The following CYP20A1 variants were observed in gnomAD, a reference collection of about 807,000 sequenced individuals.
CYP20A1 encodes the protein cytochrome P450 20A1.
A neutral mutation model predicts 61.4 loss-of-function variants in CYP20A1; 61 were observed. That is an observed-to-expected ratio of 0.99 (90% CI 0.81 to 1.23). CYP20A1 has a LOEUF of 1.23. Ranked by LOEUF, CYP20A1 falls within the 50% of genes most tolerant of loss-of-function variation. The pLI, the probability that CYP20A1 is intolerant of heterozygous loss-of-function variation, is 0.00. For synonymous variants in CYP20A1, 193 were observed against 188.2 expected, an observed-to-expected ratio of 1.03 and a Z score of -0.21; for missense variants, 530 against 542.4, an observed-to-expected ratio of 0.98 and a Z score of 0.23.
chr2:203,279,610 A>G (rs1348684912), intron 7 of CYP20A1, among the ~76,000 whole-genome samples: 4 of 152,138 alleles, frequency 2.6e-5, no homozygotes, highest in Non-Finnish European at 5.9e-5. Context: ...AGTTTGATAT[A>G]TGTTGGTGCA....
chr2:203,239,995 C>T (rs1281122770), intron 1 of CYP20A1, among the ~76,000 whole-genome samples: 1 of 152,154 alleles, frequency 6.6e-6, no homozygotes, highest in East Asian at 1.9e-4. Flanking sequence ...ACTCAGGAGG[C>T]TGAGGCAGGA....
rs112549205 is a variant in CYP20A1, at chr2:203,274,077, T to A, written c.679+1329T>A. ...AATTTACACAGAAAAATAGCAATTT[T>A]AATGTAATGTAGTACCCCCAAATTA... On this transcript the variant is annotated intron_variant, in intron 6 of 12. Coordinates refer to ENST00000356079, the MANE Select transcript of CYP20A1 (RefSeq NM_177538.3). 7.4e-4 allele frequency among the ~76,000 whole-genome samples: 112 copies of A among 152,346 alleles called. 2 individuals are homozygous for A. The highest frequency in any genetic ancestry group is 3.4e-3 in the Middle Eastern group (1 of 294).
chr2:203,246,350 G>A (rs1175096108), intron 2 of CYP20A1, among the ~76,000 whole-genome samples: 2 of 152,096 alleles, frequency 1.3e-5, no homozygotes, highest in African/African-American at 4.8e-5. Flanking sequence ...ACTTCCCCTT[G>A]CCAGAGAAAG....
At chr2:203,285,235 C>G (rs1158611213) in intron 8 of CYP20A1, among the ~76,000 whole-genome samples, 1 of 152,028 alleles carries the variant, frequency 6.6e-6, no homozygotes, top group Non-Finnish European at 1.5e-5. Flanking sequence ...ATAAATCGGC[C>G]TAATAAGGTT....
At chr2:203,249,109 CTT>C (rs1209285151) in intron 3 of CYP20A1, among the ~76,000 whole-genome samples, 1 of 152,134 alleles carries the variant, frequency 6.6e-6, no homozygotes, top group Non-Finnish European at 1.5e-5. Context: ...AATTTTTTCT[CTT>C]TGGTTGGAGA....
At position 203,299,569 on chromosome 2, in the gene CYP20A1, G is replaced by T. The variant is rs1488995952; in HGVS notation, c.*2661G>T. 6.6e-6 allele frequency among the ~76,000 whole-genome samples: 1 copy of T among 151,876 alleles called. No individual in the cohort carries two copies. Among genetic ancestry groups the T allele is most frequent in the Non-Finnish European group, 1.5e-5 (1 of 67,964 alleles). On this transcript the variant is annotated 3_prime_UTR_variant, in exon 13 of 13. Transcript: ENST00000356079. ...TTTTTGAAAAAAAAAATTTTTTTTG[G>T]AATAACTTAAATTCTAAAACTTTGG... is the stretch of plus-strand genomic sequence containing the variant.
chr2:203,293,249 T>C (rs1393553970), intron 11 of CYP20A1, among the ~76,000 whole-genome samples: 5 of 125,354 alleles, frequency 4.0e-5, no homozygotes, highest in Non-Finnish European at 6.4e-5. Flanking sequence ...GGAGTCTCGC[T>C]CTGTCGCCCA....
intron 11 of CYP20A1, among the ~76,000 whole-genome samples, chr2:203,293,426 A>T (rs1477280980): frequency 6.7e-6 from 1 of 150,350 alleles, no homozygotes; most frequent in African/African-American, 2.4e-5. Context: ...CATGTTAGCC[A>T]GGATGGTCTC....
rs1460474722 is a variant in CYP20A1, at chr2:203,302,187, A to G, written c.*5279A>G. Among the ~76,000 whole-genome samples, 3 of 152,076 alleles carry G rather than the reference A, an allele frequency of 2.0e-5. No individual in the cohort carries two copies. The highest frequency in any genetic ancestry group is 7.2e-5 in the African/African-American group (3 of 41,418). ...AGTAGTCTGCCCACCTTGACCTCCC[A>G]AAGTGCTGGGATTACAGGCATGGGG... On this transcript the variant is annotated 3_prime_UTR_variant, in exon 13 of 13. Coordinates refer to ENST00000356079, the MANE Select transcript of CYP20A1 (RefSeq NM_177538.3).
At position 203,300,844 on chromosome 2, in the gene CYP20A1, G is replaced by A. The variant is rs937774305; in HGVS notation, c.*3936G>A. Among the ~76,000 whole-genome samples, 7 of 145,470 alleles carry A rather than the reference G, an allele frequency of 4.8e-5. No homozygotes were observed. The highest frequency in any genetic ancestry group is 2.2e-4 in the South Asian group (1 of 4,498). On this transcript the variant is annotated 3_prime_UTR_variant, in exon 13 of 13. Coordinates refer to ENST00000356079, the MANE Select transcript of CYP20A1 (RefSeq NM_177538.3). The stretch of plus-strand genomic sequence containing the variant: ...GCAGAGGTTGCGATGAGCCGAGATC[G>A]TGCCATTGCACTCCAGCCTGGGCAA...
At chr2:203,275,716 A>G (rs1467464341) in intron 6 of CYP20A1, among the ~76,000 whole-genome samples, 2 of 152,250 alleles carry the variant, frequency 1.3e-5, no homozygotes, top group Non-Finnish European at 2.9e-5. Flanking sequence ...CTGGGATTAC[A>G]GGCGTGAGCC....
chr2:203,253,572 G>T (rs188292120), intron 4 of CYP20A1, among the ~76,000 whole-genome samples: 1 of 152,216 alleles, frequency 6.6e-6, no homozygotes, highest in Non-Finnish European at 1.5e-5. Flanking sequence ...AAGACAGAAC[G>T]TGGTTTTTAT....
chr2:203,253,663 G>A (rs1420524469), intron 4 of CYP20A1, among the ~76,000 whole-genome samples: 1 of 152,176 alleles, frequency 6.6e-6, no homozygotes, highest in African/African-American at 2.4e-5. Context: ...CATAAGTTGT[G>A]GCCTTGCATA....
intron 8 of CYP20A1, among the ~76,000 whole-genome samples, chr2:203,284,794 G>A (rs187014486): frequency 1.4e-4 from 20 of 145,076 alleles, no homozygotes; most frequent in African/African-American, 4.9e-4. Context: ...TGCCCAGGGT[G>A]GAGTGCAGTG....
At chr2:203,289,379 T>G (rs2068435714) in intron 9 of CYP20A1, among the ~76,000 whole-genome samples, 1 of 152,126 alleles carries the variant, frequency 6.6e-6, no homozygotes, top group Admixed American at 6.6e-5. Flanking sequence ...AAAATGTTTC[T>G]CTAGTTAGGT....
intron 4 of CYP20A1, among the ~76,000 whole-genome samples, chr2:203,261,053 T>C (rs2067116380): frequency 6.6e-6 from 1 of 151,966 alleles, no homozygotes; most frequent in African/African-American, 2.4e-5. Flanking sequence ...CATATAATTA[T>C]TTGAACAGAG....
In CYP20A1 at chr2:203,299,090, A is replaced by C; in HGVS notation, c.*2182A>C. ...TCAAAATTACACTTTAGCACTTATA[A>C]ATTTTATATATAATACTTTACTGAT... On this transcript the variant is annotated 3_prime_UTR_variant, in exon 13 of 13. Coordinates refer to ENST00000356079, the MANE Select transcript of CYP20A1 (RefSeq NM_177538.3). 6.6e-6 allele frequency among the ~76,000 whole-genome samples: 1 copy of C among 152,146 alleles called. No individual in the cohort carries two copies. Among genetic ancestry groups the C allele is most frequent in the Non-Finnish European group, 1.5e-5 (1 of 68,022 alleles).
chr2:203,281,770 C>G (rs1307976264), intron 8 of CYP20A1, among the ~76,000 whole-genome samples: 1 of 151,904 alleles, frequency 6.6e-6, no homozygotes, highest in Non-Finnish European at 1.5e-5. Context: ...CACTGCACTC[C>G]AGCCTGGGTG....
intron 3 of CYP20A1, among the ~76,000 whole-genome samples, chr2:203,251,201 G>A (rs181588663): frequency 3.3e-5 from 5 of 150,028 alleles, no homozygotes; most frequent in South Asian, 2.1e-4. Flanking sequence ...CTTTGTATGC[G>A]TGTGAAAACA....
Sources: gnomAD v4.1 joint callset for allele counts (sites outside exome capture counted in the v4.1 genomes callset) on GRCh38, gnomAD v4.1.1 for gene constraint, MANE v1.5 for transcripts, NCBI Gene and HGNC (gene_info 2026-07-23, HGNC 2026-07-21) for gene names.